Variants in TMEM255A observed in about 807,000 individuals in gnomAD.
TMEM255A encodes the protein transmembrane protein 255A.
In TMEM255A, 14 loss-of-function variants were observed where a neutral mutation model predicts 23.5. That is an observed-to-expected ratio of 0.60 (90% CI 0.39 to 0.93). The LOEUF (loss-of-function observed/expected upper bound fraction) is 0.93. Among genes scored for constraint, TMEM255A ranks in the 40% least tolerant of loss-of-function variants. The probability of loss-of-function intolerance (pLI) is 0.00; values close to 1 mark genes in which losing one functional copy is unlikely to be tolerated. For missense variants in TMEM255A, 233 were observed against 261.7 expected, an observed-to-expected ratio of 0.89 and a Z score of 0.76; for synonymous variants, 104 against 100.3, an observed-to-expected ratio of 1.04 and a Z score of -0.22.
chrX:120,263,801 G>A (rs917036371), intron 8 of TMEM255A, among the ~76,000 whole-genome samples: 6 of 109,283 alleles, frequency 5.5e-5, no homozygotes, highest in Admixed American at 2.0e-4. Flanking sequence ...CTTGACAGCG[G>A]GGTGGCGGGC....
rs139806453 is a variant in TMEM255A at position 120,303,480 on chromosome X, C to T, written c.201+869G>A. On this transcript the variant is annotated intron_variant, in intron 2 of 8. Coordinates refer to ENST00000371369, the MANE Select transcript of TMEM255A (RefSeq NM_001104544.3). ...GCTTGAAAAGATTCCTCTTGAGAAA[C>T]CAGAAGTTGAAGATGACCCTAATAA... 2.6e-3 allele frequency among the ~76,000 whole-genome samples: 294 copies of T among 111,155 alleles called. 3 individuals carry two copies. Among genetic ancestry groups the T allele is most frequent in the African/African-American group, 8.8e-3 (268 of 30,563 alleles).
At chrX:120,310,731 C>T (rs1556028126) in intron 1 of TMEM255A, among the ~76,000 whole-genome samples, 1 of 36,123 alleles carries the variant, frequency 2.8e-5, no homozygotes, top group African/African-American at 1.5e-4. Flanking sequence ...CGCAACCCGC[C>T]CCCCCCCCCC....
rs2057668595 is a variant in TMEM255A at position 120,260,298 on chromosome X, T to G, written c.*572A>C. 1 of 498,389 alleles carries G rather than the reference T, an allele frequency of 2.0e-6. No individual in the cohort carries two copies. The highest frequency in any genetic ancestry group is 2.5e-6 in the Non-Finnish European group (1 of 405,102). The allele number at this position is 498,389 out of a possible 1,213,427, so 41.1% of individuals were successfully genotyped here. A position where few individuals can be genotyped will look rare whatever the true frequency, so the allele number is the denominator to read the frequency against. ...GAGCTGAGTGATCACAACAGCCATT[T>G]TTACAATACTCACAGAGAAGGAAGG... On this transcript the variant is annotated 3_prime_UTR_variant, in exon 9 of 9. Transcript: ENST00000371369.
chrX:120,285,785 A>G, intron 5 of TMEM255A: 2 of 1,195,964 alleles, frequency 1.7e-6, no homozygotes, highest in Non-Finnish European at 2.3e-6. Context: ...CACCAAATTA[A>G]CGCAAGAAAG....
intron 1 of TMEM255A, among the ~76,000 whole-genome samples, chrX:120,307,613 A>G (rs1402108844): frequency 8.9e-6 from 1 of 112,165 alleles, no homozygotes; most frequent in Non-Finnish European, 1.9e-5. Flanking sequence ...ATGTGGGAGG[A>G]ATTGTGTGAA....
At chrX:120,264,029 G>A (rs1172210288) in intron 8 of TMEM255A, among the ~76,000 whole-genome samples, 1 of 111,798 alleles carries the variant, frequency 8.9e-6, no homozygotes, top group Non-Finnish European at 1.9e-5. Flanking sequence ...AATTGCATAG[G>A]TTGAGACTTT....
intron 2 of TMEM255A, among the ~76,000 whole-genome samples, chrX:120,303,349 G>A (rs1310885849): frequency 9.1e-6 from 1 of 109,648 alleles, no homozygotes; most frequent in African/African-American, 3.3e-5. Context: ...CCTTCTGGAG[G>A]AGGGCAAGTT....
intron 6 of TMEM255A, among the ~76,000 whole-genome samples, chrX:120,280,153 C>T (rs2147193396): frequency 9.3e-6 from 1 of 107,877 alleles, no homozygotes; most frequent in South Asian, 4.2e-4. Flanking sequence ...CAGGCTCACA[C>T]TGCCATGCCC....
chrX:120,302,504 G>A (rs370176491), intron 2 of TMEM255A, among the ~76,000 whole-genome samples: 4 of 19,646 alleles, frequency 2.0e-4, no homozygotes, highest in Non-Finnish European at 4.0e-4. Context: ...CCCACCCCCC[G>A]ACCCCCCACC....
At chrX:120,305,282 C>T (rs1425974692) in intron 1 of TMEM255A, among the ~76,000 whole-genome samples, 1 of 111,348 alleles carries the variant, frequency 9.0e-6, no homozygotes, top group African/African-American at 3.3e-5. Context: ...TTAAGTCAGA[C>T]AGAAAAATGG....
the TMEM255A span, among the ~76,000 whole-genome samples, chrX:120,251,779 T>G: frequency 8.9e-6 from 1 of 112,190 alleles, no homozygotes; most frequent in East Asian, 2.8e-4. Flanking sequence ...GACCGACTTG[T>G]GCTGTCTCTG....
In TMEM255A at chrX:120,295,453, T is replaced by G. The variant is rs2057948060; in HGVS notation, c.202-1402A>C. Among the ~76,000 whole-genome samples, 3 of 110,800 alleles carry G rather than the reference T, an allele frequency of 2.7e-5. No individual in the cohort carries two copies. The Admixed American group carries it at 2.9e-4, about 11-fold the overall frequency. On this transcript the variant is annotated intron_variant, in intron 2 of 8. Coordinates refer to ENST00000371369, the MANE Select transcript of TMEM255A (RefSeq NM_001104544.3). Reference sequence around the variant, plus strand: ...TGAATGGAAGGAATGAATGTAAATCTCCAGGACTCCTTGTGCAGGGCCACT... The same window carrying G: ...TGAATGGAAGGAATGAATGTAAATCGCCAGGACTCCTTGTGCAGGGCCACT...
At chrX:120,287,005 A>G (rs2057879973) in intron 5 of TMEM255A, 149 bp downstream of exon 5, 2 of 518,446 alleles carry the variant, frequency 3.9e-6, no homozygotes. Context: ...TGGCCTCATT[A>G]GCAATGTGCT....
chrX:120,260,078 T>C lies in TMEM255A; in HGVS notation c.*792A>G, dbSNP rs1168231776. ...AACTCTGAATTACAACCATAAGATT[T>C]ATATCTCCTGTAGCAAATGTATTTT... On this transcript the variant is annotated 3_prime_UTR_variant, in exon 9 of 9. Coordinates refer to ENST00000371369, the MANE Select transcript of TMEM255A (RefSeq NM_001104544.3). 4.1e-4 allele frequency: 299 copies of C among 722,557 alleles called. No individual in the cohort carries two copies. The highest frequency in any genetic ancestry group is 4.8e-4 in the Non-Finnish European group (295 of 611,431). 59.5% of individuals were successfully genotyped at this position (722,557 alleles called of 1,213,427 possible). A position where few individuals can be genotyped will look rare whatever the true frequency, so the allele number is the denominator to read the frequency against.
At chrX:120,252,371 GTT>G in the TMEM255A span, among the ~76,000 whole-genome samples, 1 of 110,175 alleles carries the variant, frequency 9.1e-6, no homozygotes, top group Admixed American at 9.6e-5. Context: ...TAATATATGG[GTT>G]TTTTTAAACT....
At chrX:120,282,238 C>T (rs945915216) in intron 6 of TMEM255A, among the ~76,000 whole-genome samples, 17 of 111,508 alleles carry the variant, frequency 1.5e-4, no homozygotes, top group African/African-American at 5.6e-4. Context: ...ATTGTGGGAC[C>T]CTCGCCTCTT....
At chrX:120,294,241 C>T (rs980470054) in intron 2 of TMEM255A, among the ~76,000 whole-genome samples, 190 bp from the exon 3 acceptor site, 2 of 108,950 alleles carry the variant, frequency 1.8e-5, no homozygotes, top group Non-Finnish European at 1.9e-5. Flanking sequence ...GAGACCATCC[C>T]GGCTAAAACG....
chrX:120,283,114 C>T (rs1190624407), intron 6 of TMEM255A, among the ~76,000 whole-genome samples: 2 of 110,725 alleles, frequency 1.8e-5, no homozygotes, highest in African/African-American at 6.6e-5. Context: ...AGTAAAATAA[C>T]CCCAATTCCC....
At chrX:120,283,005 G>A (rs1380989269) in intron 6 of TMEM255A, among the ~76,000 whole-genome samples, 1 of 110,724 alleles carries the variant, frequency 9.0e-6, no homozygotes, top group African/African-American at 3.3e-5. Context: ...AAGGAAAATG[G>A]AGAAGGATGG....
Sources: gnomAD v4.1 joint callset for allele counts (sites outside exome capture counted in the v4.1 genomes callset) on GRCh38, gnomAD v4.1.1 for gene constraint, MANE v1.5 for transcripts, NCBI Gene and HGNC (gene_info 2026-07-23, HGNC 2026-07-21) for gene names.